Variants in ANK3 observed in about 807,000 individuals in gnomAD.
ANK3 encodes the protein ankyrin 3, also known as ankyrin-3.
Under a neutral mutation model 370.9 loss-of-function variants are expected in ANK3, and 57 were observed. The ratio of observed to expected loss-of-function variants is 0.15; its 90% CI spans 0.12 to 0.19. ANK3 has a LOEUF of 0.19. ANK3 is among the 10% of genes least tolerant of loss of function. The pLI is 1.00. For missense variants in ANK3, 4,439 were observed against 5,302.1 expected (o/e 0.84, Z 5.06); for synonymous variants, 1,929 against 1,946.3 (o/e 0.99, Z 0.23).
At chr10:60,045,065 C>T (rs933670559) in intron 42 of ANK3, among the ~76,000 whole-genome samples, 3 of 152,074 alleles carry the variant, frequency 2.0e-5, no homozygotes, top group Non-Finnish European at 2.9e-5. Context: ...TCTATAAGAA[C>T]ACAAAGTTGT....
At chr10:60,089,275 T>C (rs1377710045) in intron 28 of ANK3, among the ~76,000 whole-genome samples, 1 of 152,204 alleles carries the variant, frequency 6.6e-6, no homozygotes. Context: ...AATCTGCTCA[T>C]TCCTTCACTC....
chr10:60,027,590 G>C lies in ANK3; in HGVS notation c.*2256C>G, dbSNP rs1462044296. ...TTATAAAAGGATCATTACCATCAAA[G>C]AAAGACAGTACCTAATTCATAAAGT... On this transcript the variant is annotated 3_prime_UTR_variant, in exon 44 of 44. Coordinates refer to ENST00000280772, the MANE Select transcript of ANK3 (RefSeq NM_020987.5). 6.6e-6 allele frequency: 1 copy of C among 152,228 alleles called. No homozygotes were observed. Among genetic ancestry groups the C allele is most frequent in the East Asian group, 1.9e-4 (1 of 5,190 alleles). The allele number at this position is 152,228 out of a possible 1,614,324, so 9.4% of individuals were successfully genotyped here.
At chr10:60,460,933 T>G (rs978001246) in intron 2 of ANK3, among the ~76,000 whole-genome samples, 2 of 152,180 alleles carry the variant, frequency 1.3e-5, no homozygotes, top group Non-Finnish European at 2.9e-5. Context: ...GTTTGAGTAA[T>G]TCTGTTAAAT....
intron 4 of ANK3, among the ~76,000 whole-genome samples, chr10:60,272,504 G>A (rs2098012024): frequency 6.6e-6 from 1 of 151,442 alleles, no homozygotes; most frequent in Admixed American, 6.6e-5. Context: ...TGTTGAGACA[G>A]AGTCTCACTC....
chr10:60,573,151 A>G (rs2077637371), intron 2 of ANK3, among the ~76,000 whole-genome samples: 3 of 152,048 alleles, frequency 2.0e-5, no homozygotes, highest in South Asian at 4.2e-4. Flanking sequence ...AAAAAATTCA[A>G]TGATTCAAAC....
intron 1 of ANK3, among the ~76,000 whole-genome samples, chr10:60,655,631 T>C (rs1049489694): frequency 2.0e-4 from 31 of 151,998 alleles, no homozygotes; most frequent in Non-Finnish European, 4.4e-5. Flanking sequence ...CTAAGGTTAA[T>C]TCATTATTAA....
At chr10:60,541,389 C>T (rs1323609333) in intron 2 of ANK3, among the ~76,000 whole-genome samples, 1 of 151,782 alleles carries the variant, frequency 6.6e-6, no homozygotes, top group Non-Finnish European at 1.5e-5. Context: ...TATGCCTGTG[C>T]AGAAAATAAA....
chr10:60,039,338 A>G (rs2075698247), intron 43 of ANK3, among the ~76,000 whole-genome samples: 2 of 152,118 alleles, frequency 1.3e-5, no homozygotes, highest in Non-Finnish European at 1.5e-5. Flanking sequence ...AGTCTTTGCC[A>G]TGGCTTAAAT....
intron 8 of ANK3, among the ~76,000 whole-genome samples, chr10:60,227,197 T>C (rs1263274452): frequency 3.3e-5 from 5 of 152,072 alleles, no homozygotes; most frequent in African/African-American, 1.2e-4. Flanking sequence ...ACTAGATATT[T>C]ATATCAATCT....
chr10:60,635,189 A>G (rs1276075834), intron 1 of ANK3, among the ~76,000 whole-genome samples: 1 of 152,146 alleles, frequency 6.6e-6, no homozygotes, highest in Non-Finnish European at 1.5e-5. Context: ...CTACACCTCC[A>G]GATATAGTCT....
At chr10:60,490,462 C>CTTCCCTG (rs1357290719) in intron 2 of ANK3, among the ~76,000 whole-genome samples, 1 of 150,312 alleles carries the variant, frequency 6.7e-6, no homozygotes, top group Non-Finnish European at 1.5e-5. Flanking sequence ...TGCCTTCCTA[C>CTTCCCTG]TTCCCTGTGA....
chr10:60,495,739 G>A (rs2075636950), intron 2 of ANK3, among the ~76,000 whole-genome samples: 1 of 152,106 alleles, frequency 6.6e-6, no homozygotes. Context: ...AAGAGAAGAG[G>A]AAATCAATTT....
rs530119139 is a variant in ANK3, at chr10:60,600,283, C to A, written c.96+14903G>T. Among the ~76,000 whole-genome samples, 6 of 152,208 alleles carry A rather than the reference C, an allele frequency of 3.9e-5. No homozygotes were observed. In the South Asian group the frequency reaches 6.2e-4, roughly 16 times the overall value. On this transcript the variant is annotated intron_variant, in intron 2 of 43. Coordinates refer to the ANK3 transcript ENST00000373827. ...TTGTTTAAAATCTACTTGTGTCTGA[C>A]CTTCTCTTTATTCCTGGAATTTGCC...
intron 1 of ANK3, among the ~76,000 whole-genome samples, chr10:60,638,736 T>C (rs937659013): frequency 2.6e-5 from 4 of 152,054 alleles, no homozygotes; most frequent in Admixed American, 1.3e-4. Flanking sequence ...CTCAATAACT[T>C]CTAGAGTCAA....
chr10:60,286,003 T>C (rs766827735), intron 1 of ANK3, among the ~76,000 whole-genome samples: 4 of 152,214 alleles, frequency 2.6e-5, no homozygotes, highest in Non-Finnish European at 5.9e-5. Flanking sequence ...TTAGGGACTT[T>C]TTTAGTTCTT....
At chr10:60,451,777 C>A (rs992379027) in intron 2 of ANK3, among the ~76,000 whole-genome samples, 1 of 152,142 alleles carries the variant, frequency 6.6e-6, no homozygotes. Flanking sequence ...CCACGGCTCA[C>A]GCTCTGTGGG....
chr10:60,237,833 C>T (rs1029468998), intron 7 of ANK3, among the ~76,000 whole-genome samples: 2 of 152,102 alleles, frequency 1.3e-5, no homozygotes, highest in Non-Finnish European at 2.9e-5. Flanking sequence ...ATTTTACCCT[C>T]ACAGCAATCC....
In ANK3 at chr10:60,196,601, C is replaced by T; in HGVS notation, c.1714G>A (p.Ala572Thr). ...TKKGFTPLHV[A>T]AKYGKLEVAN... ...ACTTCAAGCTTTCCATATTTTGCTG[C>T]CACATGAAGAGGAGTAAATCCTTTC... Residue 572 changes from alanine to threonine, a missense_variant, in exon 15 of 44, where the codon GCA (alanine) becomes ACA (threonine). By Grantham distance (58) the Ala-to-Thr change is moderately conservative (BLOSUM62 0). This residue lies in a region of ANK3 where 192 missense variants were observed against 192.1 expected (regional missense o/e 1.00). Transcript: ENST00000280772. 1.9e-6 allele frequency: 3 copies of T among 1,608,178 alleles called. No homozygotes were observed.
intron 2 of ANK3, among the ~76,000 whole-genome samples, chr10:60,584,713 T>G (rs1419756403): frequency 6.6e-6 from 1 of 152,244 alleles, no homozygotes; most frequent in Non-Finnish European, 1.5e-5. Flanking sequence ...ACACCTTTCC[T>G]GAGACATTTC....
Sources: allele counts gnomAD v4.1 joint callset (sites outside exome capture counted in the v4.1 genomes callset), GRCh38; gene constraint gnomAD v4.1.1; regional missense constraint gnomAD v4.1.1; transcripts MANE v1.5; gene names NCBI Gene and HGNC (gene_info 2026-07-23, HGNC 2026-07-21).